Variants in NBAS observed in about 807,000 individuals in gnomAD.
The protein encoded by NBAS is NBAS subunit of NRZ tethering complex, also known as NAG/BC035112 fusion.
In NBAS, 219 loss-of-function variants were observed where a neutral mutation model predicts 302.5. The ratio of observed to expected loss-of-function variants is 0.72; its 90% CI spans 0.65 to 0.81. The LOEUF (loss-of-function observed/expected upper bound fraction) is 0.81, where lower values mean the gene tolerates loss of function less well. Among genes scored for constraint, NBAS ranks in the 30% least tolerant of loss-of-function variants. The probability of loss-of-function intolerance (pLI) is 0.00; values close to 1 mark genes in which losing one functional copy is unlikely to be tolerated. For synonymous variants in NBAS, 1,118 were observed against 1,021.6 expected (o/e 1.09, Z -1.80); for missense variants, 2,932 against 2,841.6 (o/e 1.03, Z -0.72).
At chr2:15,001,453 G>A in the NBAS span, among the ~76,000 whole-genome samples, 1 of 152,112 alleles carries the variant, frequency 6.6e-6, no homozygotes, top group Non-Finnish European at 1.5e-5. Context: ...ATAAAAAGAT[G>A]ATTACAACTC....
At chr2:15,319,178 T>C (rs1157204447) in intron 38 of NBAS, among the ~76,000 whole-genome samples, 1 of 152,028 alleles carries the variant, frequency 6.6e-6, no homozygotes, top group Non-Finnish European at 1.5e-5. Context: ...AAGGCAGAAA[T>C]AAAGATGTTC....
chr2:15,514,180 G>A (rs772048656), intron 9 of NBAS, among the ~76,000 whole-genome samples: 1 of 152,196 alleles, frequency 6.6e-6, no homozygotes, highest in African/African-American at 2.4e-5. Context: ...CCAGGGAAGG[G>A]TGGATAGGGA....
intron 32 of NBAS, among the ~76,000 whole-genome samples, chr2:15,359,441 G>C (rs1280361713): frequency 6.6e-6 from 1 of 152,072 alleles, no homozygotes; most frequent in Non-Finnish European, 1.5e-5. Context: ...TAAGTTTATA[G>C]TTTCACTGAC....
At chr2:15,287,292 A>G (rs1670090077) in intron 41 of NBAS, 109 bp from the exon 42 acceptor site, 1 of 794,708 alleles carries the variant, frequency 1.3e-6, no homozygotes, top group East Asian at 2.6e-5. Context: ...AGGTGCAAGC[A>G]GTGTGGTCCT....
intron 40 of NBAS, among the ~76,000 whole-genome samples, chr2:15,303,151 T>A (rs1298098039): frequency 6.6e-6 from 1 of 152,164 alleles, no homozygotes; most frequent in Non-Finnish European, 1.5e-5. Flanking sequence ...TAAACTCTCC[T>A]TCATATATAC....
the NBAS span, among the ~76,000 whole-genome samples, chr2:14,805,476 G>C: frequency 7.9e-5 from 12 of 152,286 alleles, no homozygotes; most frequent in Admixed American, 5.9e-4. Context: ...AAGTAGGAAA[G>C]AAATAGGTTA....
At position 15,238,475 on chromosome 2, in the gene NBAS, C is replaced by T. The variant is rs767504327; in HGVS notation, c.5936G>A (p.Ser1979Asn). The T allele has an allele frequency of 6.2e-7, 1 of 1,614,048 alleles. No individual in the cohort carries two copies. Among genetic ancestry groups the T allele is most frequent in the Admixed American group, 1.7e-5 (1 of 60,026 alleles). The stretch of plus-strand genomic sequence containing the variant: ...AAGTTCCCATTTCTTTACCTGCTCA[C>T]TATTCTTCAGAGAAAGGATGAAGCT... ...SHSFILSLKN[S>N]EQETLQKYSH... Residue 1979 changes from serine to asparagine, a missense_variant, in exon 45 of 52, where the codon AGT becomes AAT. Physicochemically the swap from Ser to Asn is conservative, Grantham distance 46. Coordinates refer to ENST00000281513, the MANE Select transcript of NBAS (RefSeq NM_015909.4).
At chr2:15,234,300 G>T (rs1278833742) in intron 46 of NBAS, among the ~76,000 whole-genome samples, 2 of 152,144 alleles carry the variant, frequency 1.3e-5, no homozygotes, top group Non-Finnish European at 2.9e-5. Flanking sequence ...TTCAAGAAAA[G>T]ATTGTAAAAG....
the NBAS span, among the ~76,000 whole-genome samples, chr2:14,866,248 G>A: frequency 6.6e-6 from 1 of 152,082 alleles, no homozygotes; most frequent in Non-Finnish European, 1.5e-5. Context: ...TGCAATTAGT[G>A]ACTAGCAATT....
chr2:15,539,345 G>C lies in NBAS; in HGVS notation c.391C>G (p.Pro131Ala). 1 of 1,614,102 alleles carries C rather than the reference G, an allele frequency of 6.2e-7. No homozygotes were observed. Among genetic ancestry groups the C allele is most frequent in the Non-Finnish European group, 8.5e-7 (1 of 1,180,006 alleles). ...IIGKCQVPKD[P>A]KPQWRRVAWS... The stretch of plus-strand genomic sequence containing the variant: ...GCTACCCGTCTCCACTGGGGTTTCG[G>C]GTCTTTCGGAACTAGAACAAAAGAA... Residue 131 changes from proline to alanine, a missense_variant, in exon 7 of 52, where the codon CCG (proline) becomes GCG (alanine). By Grantham distance (27) the Pro-to-Ala change is conservative (BLOSUM62 -1). Coordinates refer to ENST00000281513, the MANE Select transcript of NBAS (RefSeq NM_015909.4).
At chr2:14,780,464 A>T in the NBAS span, among the ~76,000 whole-genome samples, 8 of 152,338 alleles carry the variant, frequency 5.3e-5, no homozygotes, top group African/African-American at 1.4e-4. Flanking sequence ...TGATTTAAAG[A>T]GCTAAGACTT....
chr2:14,948,665 C>T, the NBAS span, among the ~76,000 whole-genome samples: 1 of 151,858 alleles, frequency 6.6e-6, no homozygotes, highest in African/African-American at 2.4e-5. Context: ...GACAATACTA[C>T]CTAAAACAAT....
the NBAS span, among the ~76,000 whole-genome samples, chr2:15,134,607 C>G: frequency 6.6e-6 from 1 of 152,154 alleles, no homozygotes; most frequent in Non-Finnish European, 1.5e-5. Flanking sequence ...AAGCTGATGT[C>G]TTTGTACAGC....
At chr2:15,160,325 C>T in the NBAS span, among the ~76,000 whole-genome samples, 3 of 151,982 alleles carry the variant, frequency 2.0e-5, no homozygotes, top group Admixed American at 1.3e-4. Context: ...AGGACTTGGC[C>T]GACATACTGG....
At chr2:14,945,656 A>G in the NBAS span, among the ~76,000 whole-genome samples, 1 of 152,208 alleles carries the variant, frequency 6.6e-6, no homozygotes, top group East Asian at 1.9e-4. Context: ...AAAATTAATT[A>G]GAGGCTCTTG....
At chr2:15,361,747 G>A (rs531286188) in intron 32 of NBAS, among the ~76,000 whole-genome samples, 215 of 152,158 alleles carry the variant, frequency 1.4e-3, no homozygotes, top group Middle Eastern at 6.8e-3. Flanking sequence ...GGGAGGCTGA[G>A]GCAGGCGGAT....
the NBAS span, among the ~76,000 whole-genome samples, chr2:15,056,290 T>C: frequency 6.6e-6 from 1 of 152,324 alleles, no homozygotes; most frequent in East Asian, 1.9e-4. Flanking sequence ...GATGATTTTG[T>C]GTGTATATTG....
At chr2:14,807,132 G>A in the NBAS span, among the ~76,000 whole-genome samples, 2 of 148,626 alleles carry the variant, frequency 1.3e-5, no homozygotes, top group African/African-American at 5.3e-5. Flanking sequence ...GCCCACCAAT[G>A]TAAATATCAG....
chr2:15,516,618 G>A (rs1438317602), intron 9 of NBAS, among the ~76,000 whole-genome samples: 2 of 151,330 alleles, frequency 1.3e-5, no homozygotes, highest in Admixed American at 6.6e-5. Context: ...AGCTACTCAG[G>A]ATACTGAGGC....
Sources: allele counts gnomAD v4.1 joint callset (sites outside exome capture counted in the v4.1 genomes callset), GRCh38; gene constraint gnomAD v4.1.1; transcripts MANE v1.5; gene names NCBI Gene and HGNC (gene_info 2026-07-23, HGNC 2026-07-21).